ANKRD33B: variants seen among roughly 807,000 people sequenced by gnomAD.
ANKRD33B encodes ankyrin repeat domain 33B.
In ANKRD33B, 6 loss-of-function variants were observed where a neutral mutation model predicts 21.5. The observed-to-expected ratio is 0.28, with a 90% CI of 0.15 to 0.55. The LOEUF (loss-of-function observed/expected upper bound fraction) is 0.55, where lower values mean the gene tolerates loss of function less well. Among genes scored for constraint, ANKRD33B ranks in the 20% least tolerant of loss-of-function variants. The pLI is 0.94. For synonymous variants in ANKRD33B, 347 were observed against 342.4 expected (o/e 1.01, Z -0.15); for missense variants, 698 against 747.2 (o/e 0.93, Z 0.77).
At chr5:10,591,943 T>G (rs1328313234) in intron 1 of ANKRD33B, among the ~76,000 whole-genome samples, 1 of 152,200 alleles carries the variant, frequency 6.6e-6, no homozygotes, top group African/African-American at 2.4e-5. Flanking sequence ...TATTGTTATC[T>G]TATTATTTTT....
rs890862567 is a variant in ANKRD33B, at chr5:10,576,508, C to T, written c.366+11675C>T. On this transcript the variant is annotated intron_variant, in intron 1 of 3. Coordinates refer to ENST00000296657, the MANE Select transcript of ANKRD33B (RefSeq NM_001164440.2). The surrounding 1 kb of genome is among the most constrained non-coding windows in gnomAD (Gnocchi z 4.1). ...GTTGGTTGCATGATCCTGGACAAGT[C>T]CCATGATCTTTTGATCTTTAGTTTC... Among the ~76,000 whole-genome samples the T allele has an allele frequency of 6.6e-6, 1 of 152,182 alleles. No individual in the cohort carries two copies. Among genetic ancestry groups the T allele is most frequent in the Non-Finnish European group, 1.5e-5 (1 of 68,024 alleles).
chr5:10,654,584 A>C lies in ANKRD33B; in HGVS notation c.*4471A>C, dbSNP rs1737438286. On this transcript the variant is annotated 3_prime_UTR_variant, in exon 4 of 4. Transcript: ENST00000296657. ...ATGGAGACTTCCTTGGTGATTGGAGATGGGGGACTCTGGTGGCAGAAATGG... is the reference window on the plus strand; with the variant it reads ...ATGGAGACTTCCTTGGTGATTGGAGCTGGGGGACTCTGGTGGCAGAAATGG... 6.6e-6 allele frequency: 1 copy of C among 152,340 alleles called. No individual in the cohort carries two copies. The highest frequency in any genetic ancestry group is 2.4e-5 in the African/African-American group (1 of 41,410). The allele number at this position is 152,340 out of a possible 1,614,324, so 9.4% of individuals were successfully genotyped here.
chr5:10,624,567 AG>A (rs1736501515), intron 2 of ANKRD33B, among the ~76,000 whole-genome samples: 1 of 151,998 alleles, frequency 6.6e-6, no homozygotes, highest in Non-Finnish European at 1.5e-5. Flanking sequence ...CTGCTGCCTG[AG>A]GCTTTGGGAC....
chr5:10,567,754 C>T (rs929466629), intron 1 of ANKRD33B, among the ~76,000 whole-genome samples: 2 of 152,060 alleles, frequency 1.3e-5, no homozygotes, highest in South Asian at 2.1e-4. Flanking sequence ...AGGAGTTAGA[C>T]GGAGGGAACA....
In ANKRD33B at chr5:10,582,852, C is replaced by T. The variant is rs544382248; in HGVS notation, c.366+18019C>T. 5.3e-5 allele frequency among the ~76,000 whole-genome samples: 8 copies of T among 152,308 alleles called. No individual in the cohort carries two copies. The East Asian group carries it at 1.5e-3, about 29-fold the overall frequency. On this transcript the variant is annotated intron_variant, in intron 1 of 3. Coordinates refer to ENST00000296657, the MANE Select transcript of ANKRD33B (RefSeq NM_001164440.2). The stretch of plus-strand genomic sequence containing the variant: ...CTTGGTATAGATGCCTTTCATTCTG[C>T]GTTGTTTTATATTGATTGGTGGATA...
At position 10,649,537 on chromosome 5, in the gene ANKRD33B, C is replaced by T. The variant is rs1478045133; in HGVS notation, c.909C>T (p.Gly303=). Residue 303 remains glycine, a synonymous_variant, in exon 4 of 4, where the codon GGC becomes GGT. Coordinates refer to ENST00000296657, the MANE Select transcript of ANKRD33B (RefSeq NM_001164440.2). ...PRSVRGPEDG[G]VLDHMVRMTT... ...CCGTGCGGGGCCCGGAGGACGGGGG[C>T]GTCCTGGACCACATGGTCCGGATGA... 2.0e-6 allele frequency: 3 copies of T among 1,531,264 alleles called. No individual in the cohort carries two copies. The highest frequency in any genetic ancestry group is 2.0e-5 in the Admixed American group (1 of 50,784). The allele number at this position is 1,531,264 out of a possible 1,614,324, so 94.9% of individuals were successfully genotyped here. A position where few individuals can be genotyped will look rare whatever the true frequency, so the allele number is the denominator to read the frequency against.
At chr5:10,635,528 A>C (rs1418764701) in intron 2 of ANKRD33B, among the ~76,000 whole-genome samples, 1 of 152,252 alleles carries the variant, frequency 6.6e-6, no homozygotes, top group African/African-American at 2.4e-5. Flanking sequence ...TTTCCTGCTT[A>C]TAACCTGAAC....
At chr5:10,590,509 C>T (rs753267281) in intron 1 of ANKRD33B, among the ~76,000 whole-genome samples, 13 of 152,206 alleles carry the variant, frequency 8.5e-5, no homozygotes, top group Non-Finnish European at 1.5e-4. Context: ...CAACCCCTGG[C>T]CTGCGGGCCA....
intron 2 of ANKRD33B, among the ~76,000 whole-genome samples, chr5:10,636,723 C>T (rs1736875695): frequency 6.6e-6 from 1 of 152,208 alleles, no homozygotes; most frequent in Non-Finnish European, 1.5e-5. Flanking sequence ...CAGACCTCAT[C>T]AGCAGGGGCC....
chr5:10,649,309 G>A lies in ANKRD33B; in HGVS notation c.681G>A (p.Pro227=). The change falls in exon 4 of 4, where the codon CCG becomes CCA. Residue 227 remains proline (P), a synonymous_variant. Coordinates refer to ENST00000296657, the MANE Select transcript of ANKRD33B (RefSeq NM_001164440.2). ...HARDPRRGMS[P]QEWATYTGRV... is the part of the protein sequence containing the mutation. ...GGGACCCCCGCCGTGGGATGTCGCC[G>A]CAGGAGTGGGCCACTTACACGGGCC... 6.5e-7 allele frequency: 1 copy of A among 1,532,542 alleles called. No individual in the cohort carries two copies. The highest frequency in any genetic ancestry group is 1.2e-5 in the South Asian group (1 of 83,906). 94.9% of individuals were successfully genotyped at this position (1,532,542 alleles called of 1,614,324 possible). A position where few individuals can be genotyped will look rare whatever the true frequency, so the allele number is the denominator to read the frequency against.
rs563727251 is a variant in ANKRD33B at position 10,640,132 on chromosome 5, G to A, written c.637+1964G>A. Among the ~76,000 whole-genome samples the A allele has an allele frequency of 5.6e-5, 7 of 124,360 alleles. 1 individual carries two copies. Among genetic ancestry groups the A allele is most frequent in the African/African-American group, 1.8e-4 (6 of 33,666 alleles). The allele number at this position is 124,360 out of a possible 152,430, so 81.6% of individuals were successfully genotyped here. A position where few individuals can be genotyped will look rare whatever the true frequency, so the allele number is the denominator to read the frequency against. On this transcript the variant is annotated intron_variant, in intron 3 of 3. Coordinates refer to ENST00000296657, the MANE Select transcript of ANKRD33B (RefSeq NM_001164440.2). ...TTGCGCGGTGATGTTAGCGGGTGAC[G>A]TGGAGTTGTGTGGTGATGTTAGCGG... is the stretch of plus-strand genomic sequence containing the variant.
At chr5:10,585,761 G>GCATGGGGT (rs1191457152) in intron 1 of ANKRD33B, among the ~76,000 whole-genome samples, 1 of 152,366 alleles carries the variant, frequency 6.6e-6, no homozygotes, top group Non-Finnish European at 1.5e-5. Flanking sequence ...ATGGCATAAA[G>GCATGGGGT]CATGGGGTCA....
intron 1 of ANKRD33B, among the ~76,000 whole-genome samples, chr5:10,596,952 T>C (rs982901234): frequency 6.6e-6 from 1 of 152,218 alleles, no homozygotes; most frequent in South Asian, 2.1e-4. Context: ...ATCTAAGTAT[T>C]CATAAGTGAA....
At chr5:10,578,011 G>A (rs560618196) in intron 1 of ANKRD33B, among the ~76,000 whole-genome samples, 18 of 152,194 alleles carry the variant, frequency 1.2e-4, no homozygotes, top group Non-Finnish European at 2.5e-4. Context: ...CCTGTGAGGG[G>A]CCTTCAGGAG....
At chr5:10,573,360 C>T (rs544880932) in intron 1 of ANKRD33B, among the ~76,000 whole-genome samples, 227 of 151,208 alleles carry the variant, frequency 1.5e-3, no homozygotes, top group Non-Finnish European at 2.6e-3. Flanking sequence ...CCCAACTACT[C>T]GGGAAGCTGA....
At chr5:10,573,999 A>G (rs1289478989) in intron 1 of ANKRD33B, among the ~76,000 whole-genome samples, 2 of 152,204 alleles carry the variant, frequency 1.3e-5, no homozygotes, top group Non-Finnish European at 2.9e-5. Flanking sequence ...TCACAAATAA[A>G]AGGGGCCTCC....
At chr5:10,622,985 G>A (rs73036539) in intron 2 of ANKRD33B, among the ~76,000 whole-genome samples, 15,068 of 151,984 alleles carry the variant, frequency 0.099, 2,101 homozygotes, top group African/African-American at 0.31. Context: ...GCAGCCTGGG[G>A]CGTGGTGGGA....
intron 2 of ANKRD33B, among the ~76,000 whole-genome samples, chr5:10,625,614 G>A (rs1229317572): frequency 6.6e-6 from 1 of 152,224 alleles, no homozygotes; most frequent in Non-Finnish European, 1.5e-5. Flanking sequence ...TTGAGAGGCT[G>A]CGTTATGACT....
chr5:10,619,714 T>C lies in ANKRD33B; in HGVS notation c.496+1252T>C, dbSNP rs1448856253. Among the ~76,000 whole-genome samples the C allele has an allele frequency of 6.6e-6, 1 of 151,748 alleles. No individual in the cohort carries two copies. The highest frequency in any genetic ancestry group is 1.5e-5 in the Non-Finnish European group (1 of 67,950). The stretch of plus-strand genomic sequence containing the variant: ...CCAGGCTTTGAAAACCTAGCAAGAG[T>C]GTGAAAGGGCTTTGTAAGGCATTCA... On this transcript the variant is annotated intron_variant, in intron 2 of 3. Transcript: ENST00000296657. The surrounding 1 kb of genome is among the most constrained non-coding windows in gnomAD (Gnocchi z 4.5).
Sources: gnomAD v4.1 joint callset for allele counts (sites outside exome capture counted in the v4.1 genomes callset) on GRCh38, gnomAD v4.1.1 for gene constraint, Gnocchi (gnomAD v3.1) non-coding constraint, MANE v1.5 for transcripts, NCBI Gene and HGNC (gene_info 2026-07-23, HGNC 2026-07-21) for gene names.